TMCO5A: variants seen among roughly 807,000 people sequenced by gnomAD.
TMCO5A encodes transmembrane and coiled-coil domains 5A, also known as transmembrane and coiled-coil domain-containing protein 5A.
TMCO5A carries 34 observed loss-of-function variants against 42.3 expected under a neutral mutation model. The ratio of observed to expected loss-of-function variants is 0.80; its 90% confidence interval spans 0.61 to 1.07. The LOEUF (loss-of-function observed/expected upper bound fraction) is 1.07. TMCO5A is among the 50% of genes least tolerant of loss of function. The pLI is 0.00. For missense variants in TMCO5A, 357 were observed against 327.9 expected (o/e 1.09, Z -0.69); for synonymous variants, 131 against 115.6 (o/e 1.13, Z -0.86).
the TMCO5A span, among the ~76,000 whole-genome samples, chr15:37,987,013 A>T: frequency 6.6e-6 from 1 of 152,022 alleles, no homozygotes; most frequent in Admixed American, 6.6e-5. Context: ...GCCCCACTTT[A>T]CATTTTGACC....
chr15:37,947,419 C>T (rs1430747289), intron 10 of TMCO5A, among the ~76,000 whole-genome samples: 1 of 151,940 alleles, frequency 6.6e-6, no homozygotes, highest in East Asian at 1.9e-4. Context: ...TGGGCAACAT[C>T]CTTTGTCTTT....
At chr15:37,953,635 T>C (rs908029728), downstream of TMCO5A, among the ~76,000 whole-genome samples, 4 of 151,914 alleles carry the variant, frequency 2.6e-5, no homozygotes, top group Non-Finnish European at 5.9e-5. Context: ...CTACAATAAA[T>C]GCCTAACTCT....
At chr15:38,016,519 T>C in the TMCO5A span, among the ~76,000 whole-genome samples, 1 of 152,132 alleles carries the variant, frequency 6.6e-6, no homozygotes, top group Non-Finnish European at 1.5e-5. Context: ...CAAGACTAAA[T>C]GGCAAAGGAG....
chr15:38,022,585 T>A, the TMCO5A span, among the ~76,000 whole-genome samples: 1 of 152,194 alleles, frequency 6.6e-6, no homozygotes, highest in African/African-American at 2.4e-5. Flanking sequence ...CATGTCATTA[T>A]ACATTTGTCC....
At chr15:37,976,860 A>G in the TMCO5A span, among the ~76,000 whole-genome samples, 2 of 136,214 alleles carry the variant, frequency 1.5e-5, no homozygotes, top group Admixed American at 8.4e-5. Flanking sequence ...ATCTCGGCTC[A>G]TTACAACCTC....
the TMCO5A span, among the ~76,000 whole-genome samples, chr15:37,982,669 GATATA>G: frequency 4.3e-5 from 6 of 139,462 alleles, no homozygotes; most frequent in Non-Finnish European, 6.1e-5. Flanking sequence ...ATATATATCA[GATATA>G]ATATATTAAC....
the TMCO5A span, among the ~76,000 whole-genome samples, chr15:37,991,418 G>A: frequency 1.3e-5 from 2 of 152,070 alleles, no homozygotes; most frequent in Non-Finnish European, 2.9e-5. Flanking sequence ...TGATTATAAT[G>A]TGTCTCAGTG....
chr15:37,985,424 T>C, the TMCO5A span, among the ~76,000 whole-genome samples: 1 of 152,334 alleles, frequency 6.6e-6, no homozygotes, highest in Admixed American at 6.5e-5. Context: ...TTTTTTGCTG[T>C]CATCTTTCAT....
At chr15:37,999,270 GTATTT>G in the TMCO5A span, among the ~76,000 whole-genome samples, 2 of 152,068 alleles carry the variant, frequency 1.3e-5, no homozygotes, top group African/African-American at 4.8e-5. Flanking sequence ...TTACATCTAG[GTATTT>G]TATTTTATTT....
chr15:37,936,767 C>T, intron 3 of TMCO5A, 80 bp from the exon 4 acceptor site: 2 of 1,576,870 alleles, frequency 1.3e-6, no homozygotes, highest in Non-Finnish European at 1.7e-6. Context: ...CCTGAAGTTC[C>T]CTTATATCTG....
At chr15:37,957,466 T>C (rs1890320207) in intron 11 of TMCO5A, among the ~76,000 whole-genome samples, 1 of 151,780 alleles carries the variant, frequency 6.6e-6, no homozygotes, top group African/African-American at 2.4e-5. Flanking sequence ...GAGAGCCAAA[T>C]CATGAGTGAA....
chr15:38,012,192 G>A, the TMCO5A span, among the ~76,000 whole-genome samples: 410 of 152,062 alleles, frequency 2.7e-3, 5 homozygotes, highest in Admixed American at 0.022. Context: ...AGATTTCCTT[G>A]CATTTGGCAC....
intron 10 of TMCO5A, among the ~76,000 whole-genome samples, chr15:37,944,713 G>A (rs1426728040): frequency 1.3e-5 from 2 of 152,090 alleles, no homozygotes; most frequent in East Asian, 1.9e-4. Context: ...AGGACTACAG[G>A]CACCCACCAC....
At chr15:37,973,719 T>C in the TMCO5A span, among the ~76,000 whole-genome samples, 75 of 152,292 alleles carry the variant, frequency 4.9e-4, no homozygotes, top group African/African-American at 1.8e-3. Flanking sequence ...CAAAAGGAGA[T>C]AGTTTGACTT....
At chr15:38,034,566 G>C in the TMCO5A span, among the ~76,000 whole-genome samples, 1 of 151,970 alleles carries the variant, frequency 6.6e-6, no homozygotes. Flanking sequence ...CTCTTTCCCT[G>C]GCTCCACCTC....
chr15:38,011,507 C>T, the TMCO5A span, among the ~76,000 whole-genome samples: 2 of 152,140 alleles, frequency 1.3e-5, no homozygotes, highest in African/African-American at 2.4e-5. Flanking sequence ...AGAAGTGAGT[C>T]ACTAGGTCTA....
At chr15:38,034,178 C>G in the TMCO5A span, among the ~76,000 whole-genome samples, 1 of 152,120 alleles carries the variant, frequency 6.6e-6, no homozygotes, top group Non-Finnish European at 1.5e-5. Context: ...CCCTCCAGCT[C>G]TTTTATAAAG....
chr15:38,003,344 C>A, the TMCO5A span, among the ~76,000 whole-genome samples: 2 of 152,054 alleles, frequency 1.3e-5, no homozygotes, highest in African/African-American at 4.8e-5. Flanking sequence ...GGGTCAGACC[C>A]AAAGCCAGCA....
At chr15:37,996,060 C>T in the TMCO5A span, among the ~76,000 whole-genome samples, 2 of 152,162 alleles carry the variant, frequency 1.3e-5, no homozygotes, top group Non-Finnish European at 2.9e-5. Flanking sequence ...ATGGGTTCAT[C>T]CTAATCCCCT....
Sources: allele counts gnomAD v4.1 joint callset (sites outside exome capture counted in the v4.1 genomes callset), GRCh38; gene constraint gnomAD v4.1.1; transcripts MANE v1.5; gene names NCBI Gene and HGNC (gene_info 2026-07-23, HGNC 2026-07-21).